ADK: variants seen among roughly 807,000 people sequenced by gnomAD.
ADK encodes N6,N6-dimethyladenosine kinase.
ADK carries 24 observed loss-of-function variants against 44.7 expected under a neutral mutation model. The ratio of observed to expected loss-of-function variants is 0.54; its 90% CI spans 0.39 to 0.76. The LOEUF (loss-of-function observed/expected upper bound fraction) is 0.76. ADK is among the 30% of genes least tolerant of loss of function. ADK has a pLI of 0.00. For missense variants in ADK, 321 were observed against 425.1 expected (o/e 0.76, Z 2.15); for synonymous variants, 128 against 142.6 (o/e 0.90, Z 0.73).
At position 74,192,001 on chromosome 10, in the gene ADK, C is replaced by T. The variant is rs535170672; in HGVS notation, c.66-8763C>T. On this transcript the variant is annotated intron_variant, in intron 1 of 10. Coordinates refer to ENST00000539909, the MANE Select transcript of ADK (RefSeq NM_006721.4). Reference sequence around the variant, plus strand: ...TTCCATCACTGTAATTTTGTAACTTCGAGAGTGTTATATAAATGGAATCAT... The same window carrying T: ...TTCCATCACTGTAATTTTGTAACTTTGAGAGTGTTATATAAATGGAATCAT... 7.9e-5 allele frequency among the ~76,000 whole-genome samples: 12 copies of T among 152,230 alleles called. No homozygotes were observed. The South Asian group carries it at 2.5e-3, about 32-fold the overall frequency.
intron 6 of ADK, among the ~76,000 whole-genome samples, chr10:74,440,310 G>C (rs1845356305): frequency 6.6e-6 from 1 of 152,084 alleles, no homozygotes; most frequent in Non-Finnish European, 1.5e-5. Flanking sequence ...CTCAAGGTTA[G>C]AGAGGTTAAA....
Position 74,547,626 on chromosome 10 carries a change from C to T in ADK, c.726+22200C>T, listed in dbSNP as rs111561136. ...CCTCCCAAGTAGCTGGGAATACAGG[C>T]GCGCACCACCATGCCCAGCTAATTT... On this transcript the variant is annotated intron_variant, in intron 7 of 10. Coordinates refer to ENST00000539909, the MANE Select transcript of ADK (RefSeq NM_006721.4). Among the ~76,000 whole-genome samples, 385 of 150,816 alleles carry T rather than the reference C, an allele frequency of 2.6e-3. 1 individual carries two copies. The highest frequency in any genetic ancestry group is 8.7e-3 in the African/African-American group (360 of 41,148).
intron 3 of ADK, among the ~76,000 whole-genome samples, chr10:74,228,410 G>T (rs1844630472): frequency 6.6e-6 from 1 of 152,016 alleles, no homozygotes; most frequent in Non-Finnish European, 1.5e-5. Flanking sequence ...GTAATCAACT[G>T]GTTTCATTAG....
chr10:74,229,119 A>G (rs1462813841), intron 3 of ADK, among the ~76,000 whole-genome samples: 1 of 152,200 alleles, frequency 6.6e-6, no homozygotes, highest in East Asian at 1.9e-4. Flanking sequence ...TTAAATTTTT[A>G]AATGTTGTCT....
At position 74,595,678 on chromosome 10, in the gene ADK, A is replaced by AGGCACGG. The variant is rs1851891138; in HGVS notation, c.763-4701_763-4700insGGCACGG. ...AGCGTGAGCTACCGCGCCCATCGCC[A>AGGCACGG]TATCAGTTCAACAGATTAAAAAAAT... On this transcript the variant is annotated intron_variant, in intron 8 of 10. Transcript: ENST00000539909. 9.8e-4 allele frequency among the ~76,000 whole-genome samples: 14 copies of AGGCACGG among 14,276 alleles called. 7 individuals carry two copies. The highest frequency in any genetic ancestry group is 1.6e-3 in the Non-Finnish European group (12 of 7,544). The allele number at this position is 14,276 out of a possible 152,430, so 9.4% of individuals were successfully genotyped here. A position where few individuals can be genotyped will look rare whatever the true frequency, so the allele number is the denominator to read the frequency against.
intron 2 of ADK, among the ~76,000 whole-genome samples, chr10:74,221,752 G>C (rs1295067589): frequency 1.8e-4 from 26 of 145,220 alleles, no homozygotes; most frequent in African/African-American, 3.7e-4. Context: ...ACAAACCTGA[G>C]AAAAACAAGC....
intron 6 of ADK, among the ~76,000 whole-genome samples, chr10:74,409,155 T>C (rs1209874055): frequency 6.6e-6 from 1 of 152,196 alleles, no homozygotes; most frequent in African/African-American, 2.4e-5. Context: ...CTCTGCATAG[T>C]GTTTGGATTA....
At chr10:74,312,230 C>CA (rs1246014809) in intron 3 of ADK, among the ~76,000 whole-genome samples, 1 of 151,784 alleles carries the variant, frequency 6.6e-6, no homozygotes, top group Non-Finnish European at 1.5e-5. Context: ...ATATGGAGTG[C>CA]AAAAAACCAA....
intron 3 of ADK, among the ~76,000 whole-genome samples, chr10:74,290,126 A>T (rs1428620832): frequency 6.6e-6 from 1 of 151,674 alleles, no homozygotes; most frequent in East Asian, 1.9e-4. Context: ...ATAGGGGTTC[A>T]ATTGGGCCTT....
chr10:74,286,427 T>C (rs984508440), intron 3 of ADK, among the ~76,000 whole-genome samples: 4 of 152,206 alleles, frequency 2.6e-5, no homozygotes, highest in African/African-American at 9.6e-5. Flanking sequence ...TACTGAGTGC[T>C]CAAGGGCCCA....
At chr10:74,624,070 A>G (rs1853094585) in intron 9 of ADK, among the ~76,000 whole-genome samples, 1 of 152,138 alleles carries the variant, frequency 6.6e-6, no homozygotes, top group Non-Finnish European at 1.5e-5. Context: ...AATGGCTAAA[A>G]TTTTCCTTGT....
At chr10:74,630,313 C>T (rs559371603) in intron 9 of ADK, among the ~76,000 whole-genome samples, 2 of 151,140 alleles carry the variant, frequency 1.3e-5, no homozygotes, top group Non-Finnish European at 2.9e-5. Context: ...TCAGATGTTC[C>T]CAATTATCCC....
At position 74,371,647 on chromosome 10, in the gene ADK, T is replaced by C. The variant is rs527394168; in HGVS notation, c.274-22494T>C. On this transcript the variant is annotated intron_variant, in intron 4 of 10. Coordinates refer to ENST00000539909, the MANE Select transcript of ADK (RefSeq NM_006721.4). ...CTTGACTTCCAGATGGAACAGTACA[T>C]CTCTATAAGGAAAAGTGATGGCATC... The C allele has an allele frequency of 1.2e-5, 12 of 1,010,092 alleles. No homozygotes were observed. In the African/African-American group the frequency reaches 1.9e-4, roughly 16 times the overall value. The allele number at this position is 1,010,092 out of a possible 1,614,324, so 62.6% of individuals were successfully genotyped here.
chr10:74,626,392 T>G (rs568272099), intron 9 of ADK, among the ~76,000 whole-genome samples: 1 of 151,380 alleles, frequency 6.6e-6, no homozygotes, highest in Non-Finnish European at 1.5e-5. Context: ...CTCCACCTCC[T>G]GAGTTCAAGC....
chr10:74,413,360 G>C (rs958288754), intron 6 of ADK, among the ~76,000 whole-genome samples: 1 of 152,164 alleles, frequency 6.6e-6, no homozygotes, highest in Non-Finnish European at 1.5e-5. Flanking sequence ...TTGAAAACCT[G>C]TTGTTCAGTG....
At chr10:74,623,707 T>C (rs1372131074) in intron 9 of ADK, among the ~76,000 whole-genome samples, 3 of 151,168 alleles carry the variant, frequency 2.0e-5, no homozygotes, top group Non-Finnish European at 4.4e-5. Context: ...ACATAATATA[T>C]ATGTATTCTA....
intron 8 of ADK, among the ~76,000 whole-genome samples, chr10:74,591,528 T>C (rs1021081446): frequency 2.0e-5 from 3 of 152,176 alleles, no homozygotes; most frequent in African/African-American, 4.8e-5. Context: ...GAACACTATC[T>C]AGAGAAATTC....
At chr10:74,328,811 C>T (rs1166400844) in intron 4 of ADK, among the ~76,000 whole-genome samples, 1 of 151,988 alleles carries the variant, frequency 6.6e-6, no homozygotes, top group East Asian at 1.9e-4. Flanking sequence ...TTATAAATTA[C>T]TCAGTCTTGG....
intron 4 of ADK, among the ~76,000 whole-genome samples, chr10:74,343,843 T>C (rs1220240059): frequency 1.3e-5 from 2 of 152,040 alleles, no homozygotes; most frequent in Admixed American, 6.6e-5. Flanking sequence ...TCCTGACCTC[T>C]TGTGATCCAC....
Sources: allele counts gnomAD v4.1 joint callset (sites outside exome capture counted in the v4.1 genomes callset), GRCh38; gene constraint gnomAD v4.1.1; transcripts MANE v1.5; gene names NCBI Gene and HGNC (gene_info 2026-07-23, HGNC 2026-07-21).